G6PC2: variants seen among roughly 807,000 people sequenced by gnomAD.
The protein encoded by G6PC2 is glucose-6-phosphatase catalytic subunit 2, also known as glucose-6-phosphatase 2.
A neutral mutation model predicts 35.4 loss-of-function variants in G6PC2; 41 were observed. The observed-to-expected ratio is 1.16, with a 90% CI of 0.90 to 1.50. G6PC2 has a LOEUF of 1.50. G6PC2 is among the 40% of genes most tolerant of loss of function. The probability of loss-of-function intolerance (pLI) is 0.00; values close to 1 mark genes in which losing one functional copy is unlikely to be tolerated. For missense variants in G6PC2, 441 were observed against 426.5 expected, an observed-to-expected ratio of 1.03 and a Z score of -0.30; for synonymous variants, 165 against 153.2, an observed-to-expected ratio of 1.08 and a Z score of -0.57.
At position 168,901,357 on chromosome 2, in the gene G6PC2, T is replaced by G; in HGVS notation, c.26T>G (p.Val9Gly). The change falls in exon 1 of 5, where the codon GTG (valine) becomes GGG (glycine). Residue 9 changes from valine to glycine, a missense_variant. Transcript: ENST00000375363. ...ATGGATTTCCTTCACAGGAATGGAG[T>G]GCTCATAATTCAGCATTTGCAGAAG... is the stretch of plus-strand genomic sequence containing the variant. MDFLHRNG[V>G]LIIQHLQKDY... 2 of 1,598,950 alleles carry G rather than the reference T, an allele frequency of 1.3e-6. No homozygotes were observed. Among genetic ancestry groups the G allele is most frequent in the Non-Finnish European group, 8.6e-7 (1 of 1,166,156 alleles).
At position 168,908,015 on chromosome 2, in the gene G6PC2, T is replaced by G; in HGVS notation, c.1004T>G (p.Val335Gly). The G allele has an allele frequency of 1.2e-6, 2 of 1,613,164 alleles. No individual in the cohort carries two copies. Among genetic ancestry groups the G allele is most frequent in the Non-Finnish European group, 1.7e-6 (2 of 1,179,228 alleles). The change falls in exon 5 of 5, where the codon GTG becomes GGG. Residue 335 changes from valine to glycine, a missense_variant. By Grantham distance (109) the Val-to-Gly change is moderately radical. Transcript: ENST00000375363. ...AAAAGTGCATCCATTCCCCTAACTG[T>G]GGTTGCTTTCATTCCCTACTCTGTT... ...FCKSASIPLTVVAFIPYSVHM... is the reference protein window; with the variant it reads ...FCKSASIPLTGVAFIPYSVHM...
intron 3 of G6PC2, among the ~76,000 whole-genome samples, chr2:168,906,067 CTG>C (rs1690702174): frequency 1.1e-5 from 1 of 94,960 alleles, no homozygotes; most frequent in Admixed American, 1.4e-4. Context: ...TCTCTATTTT[CTG>C]TGTCTCAAAA....
In G6PC2 at chr2:168,908,276, A is replaced by G. The variant is rs1690769793; in HGVS notation, c.*197A>G. 1.7e-6 allele frequency: 1 copy of G among 604,040 alleles called. No homozygotes were observed. Among genetic ancestry groups the G allele is most frequent in the Admixed American group, 2.9e-5 (1 of 33,946 alleles). 37.4% of individuals were successfully genotyped at this position (604,040 alleles called of 1,614,324 possible). On this transcript the variant is annotated 3_prime_UTR_variant, in exon 5 of 5. Transcript: ENST00000375363. ...TAATCCTTCAGTTACCAATATTTAG[A>G]TACAAGAATATTTGACATAAAAATC... is the stretch of plus-strand genomic sequence containing the variant.
intron 2 of G6PC2, among the ~76,000 whole-genome samples, chr2:168,903,581 G>C (rs114875160): frequency 6.6e-6 from 1 of 151,866 alleles, no homozygotes; most frequent in Non-Finnish European, 1.5e-5. Flanking sequence ...GTCCTTTCCG[G>C]CATGTGTTCC....
intron 3 of G6PC2, among the ~76,000 whole-genome samples, chr2:168,905,644 T>A (rs763602944): frequency 6.6e-6 from 1 of 152,230 alleles, no homozygotes; most frequent in Non-Finnish European, 1.5e-5. Flanking sequence ...TTCTCTATAC[T>A]GTATTCCTGC....
Position 168,906,744 on chromosome 2 carries a change from AT to A in G6PC2, c.525del (p.Pro176LeufsTer8). ...ATCTCCAGAGTATTCATAGCAACAC[AT>A]TTTCCTCATCAAGTTATTCTTGGAG... ...VCISRVFIAT[H>X]FPHQVILGVI... is the part of the protein sequence containing the mutation. On this transcript the variant is annotated frameshift_variant, in exon 4 of 5. Transcript: ENST00000375363. LOFTEE classifies it high-confidence loss of function. 2 of 1,590,132 alleles carry A rather than the reference AT, an allele frequency of 1.3e-6. No individual in the cohort carries two copies. The highest frequency in any genetic ancestry group is 1.7e-6 in the Non-Finnish European group (2 of 1,158,200).
Position 168,908,378 on chromosome 2 carries a change from A to G in G6PC2, c.*299A>G, listed in dbSNP as rs1690775681. 1 of 466,684 alleles carries G rather than the reference A, an allele frequency of 2.1e-6. No individual in the cohort carries two copies. Among genetic ancestry groups the G allele is most frequent in the South Asian group, 2.2e-5 (1 of 45,586 alleles). The allele number at this position is 466,684 out of a possible 1,614,324, so 28.9% of individuals were successfully genotyped here. A position where few individuals can be genotyped will look rare whatever the true frequency, so the allele number is the denominator to read the frequency against. ...CATCCCCAGCTGGAGACAACTGACC[A>G]GAGCTGCATACTAACAGTCCCCAGT... On this transcript the variant is annotated 3_prime_UTR_variant, in exon 5 of 5. Transcript: ENST00000375363.
chr2:168,905,218 C>T (rs1344132648), intron 3 of G6PC2, among the ~76,000 whole-genome samples: 1 of 152,162 alleles, frequency 6.6e-6, no homozygotes, highest in Non-Finnish European at 1.5e-5. Context: ...AGGTTACTCA[C>T]AGTTGCTTAG....
chr2:168,902,516 G>A lies in G6PC2; in HGVS notation c.290G>A (p.Cys97Tyr). ...ATTTACCCAAATCACTCAAGTCCAT[G>A]CCTTGAACAGTTCCCTACTACATGT... ...TQIYPNHSSP[C>Y]LEQFPTTCET... The change falls in exon 2 of 5, where the codon TGC (cysteine) becomes TAC (tyrosine). Residue 97 changes from cysteine (C) to tyrosine (Y), a missense_variant. Coordinates refer to ENST00000375363, the MANE Select transcript of G6PC2 (RefSeq NM_021176.3). 6.3e-7 allele frequency: 1 copy of A among 1,576,872 alleles called. No homozygotes were observed.
chr2:168,907,895 T>C lies in G6PC2; in HGVS notation c.884T>C (p.Leu295Pro). ...GNNYTLSFRL[L>P]CALTSLTILQ... ...AACTACACACTGAGCTTCCGGTTGCTCTGTGCCTTGACCTCATTGACAATA... is the reference window on the plus strand; with the variant it reads ...AACTACACACTGAGCTTCCGGTTGCCCTGTGCCTTGACCTCATTGACAATA... The change falls in exon 5 of 5, where the codon CTC (leucine) becomes CCC (proline). Residue 295 changes from leucine to proline, a missense_variant. Physicochemically the swap from Leu to Pro is moderately conservative, Grantham distance 98. Transcript: ENST00000375363. 1 of 1,614,068 alleles carries C rather than the reference T, an allele frequency of 6.2e-7. No homozygotes were observed. The highest frequency in any genetic ancestry group is 8.5e-7 in the Non-Finnish European group (1 of 1,179,910).
rs1480492278 is a variant in G6PC2 at position 168,901,339 on chromosome 2, T to C, written c.8T>C (p.Phe3Ser). The C allele has an allele frequency of 6.4e-7, 1 of 1,570,492 alleles. No individual in the cohort carries two copies. The highest frequency in any genetic ancestry group is 1.1e-5 in the South Asian group (1 of 90,258). Reference protein sequence around the residue: MDFLHRNGVLIIQ... With the variant: MDSLHRNGVLIIQ... ...AATTGCCTCTTTTTCAAGATGGATT[T>C]CCTTCACAGGAATGGAGTGCTCATA... The change falls in exon 1 of 5, where the codon TTC (phenylalanine) becomes TCC (serine). Residue 3 changes from phenylalanine (F) to serine (S), a missense_variant. Transcript: ENST00000375363.
chr2:168,907,882 A>G lies in G6PC2; in HGVS notation c.871A>G (p.Ser291Gly). Residue 291 changes from serine (S) to glycine (G), a missense_variant, in exon 5 of 5, where the codon AGC (serine) becomes GGC (glycine). Transcript: ENST00000375363. ...SCRGGNNYTLSFRLLCALTSL... is the reference protein window; with the variant it reads ...SCRGGNNYTLGFRLLCALTSL... ...CCGAGGGGGAAATAACTACACACTG[A>G]GCTTCCGGTTGCTCTGTGCCTTGAC... is the stretch of plus-strand genomic sequence containing the variant. 6.2e-7 allele frequency: 1 copy of G among 1,613,944 alleles called. No individual in the cohort carries two copies. Among genetic ancestry groups the G allele is most frequent in the South Asian group, 1.1e-5 (1 of 91,064 alleles).
intron 3 of G6PC2, among the ~76,000 whole-genome samples, chr2:168,906,115 G>GA (rs34296063): frequency 7.3e-4 from 95 of 130,520 alleles, no homozygotes; most frequent in East Asian, 1.7e-3. Flanking sequence ...CAAAACAAAA[G>GA]AAAAAAAAAA....
intron 2 of G6PC2, chr2:168,902,799 G>A (rs1240255783): frequency 1.9e-6 from 1 of 528,524 alleles, no homozygotes; most frequent in Non-Finnish European, 3.4e-6. Context: ...TAAATATTTG[G>A]TGTTTACTTT....
rs535145469 is a variant in G6PC2, at chr2:168,903,510, TG to T, written c.328+958del. 1.8e-4 allele frequency among the ~76,000 whole-genome samples: 27 copies of T among 152,262 alleles called. No individual in the cohort carries two copies. The East Asian group carries it at 4.8e-3, about 27-fold the overall frequency. On this transcript the variant is annotated intron_variant, in intron 2 of 4. Transcript: ENST00000375363. ...CTTTGTGAAACCAAAGTGTGATAAATGGATGAATGGTTGGATGGGTAACATT... is the reference window on the plus strand; with the variant it reads ...CTTTGTGAAACCAAAGTGTGATAAATGATGAATGGTTGGATGGGTAACATT...
In G6PC2 at chr2:168,908,026, A is replaced by T; in HGVS notation, c.1015A>T (p.Ile339Phe). 1 of 1,613,236 alleles carries T rather than the reference A, an allele frequency of 6.2e-7. No individual in the cohort carries two copies. The highest frequency in any genetic ancestry group is 8.5e-7 in the Non-Finnish European group (1 of 1,179,338). ...CATTCCCCTAACTGTGGTTGCTTTC[A>T]TTCCCTACTCTGTTCATATGTTAAT... ...ASIPLTVVAF[I>F]PYSVHMLMKQ... Residue 339 changes from isoleucine (I) to phenylalanine (F), a missense_variant, in exon 5 of 5, where the codon ATT becomes TTT. Physicochemically the swap from Ile to Phe is conservative, Grantham distance 21 (BLOSUM62 0). Coordinates refer to ENST00000375363, the MANE Select transcript of G6PC2 (RefSeq NM_021176.3).
intron 3 of G6PC2, among the ~76,000 whole-genome samples, chr2:168,905,725 T>C (rs972313067): frequency 6.6e-6 from 1 of 152,206 alleles, no homozygotes; most frequent in East Asian, 1.9e-4. Context: ...TTTTAGTTTT[T>C]ATAACTGCAG....
At chr2:168,901,571 AT>A in intron 1 of G6PC2, 22 bp downstream of exon 1, 2 of 1,192,854 alleles carry the variant, frequency 1.7e-6, no homozygotes, top group Non-Finnish European at 1.2e-6. Flanking sequence ...GTTTTATTTC[AT>A]TTTTTCCTAA....
At chr2:168,906,331 T>G (rs1213049940) in intron 3 of G6PC2, among the ~76,000 whole-genome samples, 1 of 152,288 alleles carries the variant, frequency 6.6e-6, no homozygotes, top group South Asian at 2.1e-4. Flanking sequence ...TGGATATTAG[T>G]AATTCCCCCA....
Sources: gnomAD v4.1 joint callset for allele counts (sites outside exome capture counted in the v4.1 genomes callset) on GRCh38, gnomAD v4.1.1 for gene constraint, MANE v1.5 for transcripts, NCBI Gene and HGNC (gene_info 2026-07-23, HGNC 2026-07-21) for gene names.